DLC1: variants seen among roughly 807,000 people sequenced by gnomAD.
DLC1 encodes rho GTPase-activating protein 7.
In DLC1, 54 loss-of-function variants were observed where a neutral mutation model predicts 140.3. That is an observed-to-expected ratio of 0.38 (90% CI 0.31 to 0.48). The LOEUF is 0.48. DLC1 is among the 20% of genes least tolerant of loss of function. The pLI, the probability that DLC1 is intolerant of heterozygous loss-of-function variation, is 0.96. For missense variants in DLC1, 2,536 were observed against 1,907.0 expected (o/e 1.33, Z -6.14); for synonymous variants, 986 against 728.1 (o/e 1.35, Z -5.70).
chr8:13,254,190 A>T lies in DLC1; in HGVS notation c.1348+51079T>A, dbSNP rs565804607. 9.9e-5 allele frequency among the ~76,000 whole-genome samples: 15 copies of T among 152,162 alleles called. No homozygotes were observed. The South Asian group carries it at 3.1e-3, about 32-fold the overall frequency. On this transcript the variant is annotated intron_variant, in intron 5 of 17. Transcript: ENST00000276297. Reference sequence around the variant, plus strand: ...CGACCCCCTAAATAAAATTAAAAAAAAAAAGAATAAAGAAAAGAACAAAAA... The same window carrying T: ...CGACCCCCTAAATAAAATTAAAAAATAAAAGAATAAAGAAAAGAACAAAAA...
intron 2 of DLC1, among the ~76,000 whole-genome samples, chr8:13,412,569 T>C (rs1432085172): frequency 6.6e-6 from 1 of 152,136 alleles, no homozygotes; most frequent in Admixed American, 6.5e-5. Context: ...AATGCAGTAG[T>C]TGCATACGAT....
chr8:13,310,884 T>A (rs899509084), intron 4 of DLC1, among the ~76,000 whole-genome samples: 3 of 152,232 alleles, frequency 2.0e-5, no homozygotes, highest in African/African-American at 7.2e-5. Context: ...TGTTTCCCAA[T>A]CTTCAGTTCT....
At chr8:13,586,371 G>A (rs533334000) in intron 1 of DLC1, among the ~76,000 whole-genome samples, 3 of 152,194 alleles carry the variant, frequency 2.0e-5, no homozygotes, top group East Asian at 1.9e-4. Flanking sequence ...CTTGATGACC[G>A]ATTGAACAGT....
At chr8:13,568,602 G>T (rs116996743) in intron 1 of DLC1, among the ~76,000 whole-genome samples, 1 of 152,062 alleles carries the variant, frequency 6.6e-6, no homozygotes, top group Non-Finnish European at 1.5e-5. Flanking sequence ...AAGAAGAGAA[G>T]CAGGGTTGAT....
At chr8:13,544,072 G>T (rs919975601) in intron 1 of DLC1, among the ~76,000 whole-genome samples, 1 of 151,614 alleles carries the variant, frequency 6.6e-6, no homozygotes, top group African/African-American at 2.4e-5. Context: ...AAAAATAATG[G>T]TTTTATTATT....
intron 4 of DLC1, among the ~76,000 whole-genome samples, chr8:13,373,924 G>A (rs964453037): frequency 1.3e-5 from 2 of 152,024 alleles, no homozygotes; most frequent in African/African-American, 4.8e-5. Flanking sequence ...TTAAAATCCG[G>A]TATTATTTCA....
intron 2 of DLC1, among the ~76,000 whole-genome samples, chr8:13,474,002 A>C (rs1026686434): frequency 3.3e-5 from 5 of 152,232 alleles, no homozygotes; most frequent in African/African-American, 7.2e-5. Flanking sequence ...AGAAATTTGC[A>C]TAAGTAACGA....
chr8:13,149,007 C>A (rs1962907), intron 5 of DLC1, among the ~76,000 whole-genome samples: 1 of 151,826 alleles, frequency 6.6e-6, no homozygotes, highest in Non-Finnish European at 1.5e-5. Flanking sequence ...TTAGCCAGGA[C>A]GGTCTCGATC....
At chr8:13,551,556 G>T (rs1803852342) in intron 1 of DLC1, among the ~76,000 whole-genome samples, 1 of 151,854 alleles carries the variant, frequency 6.6e-6, no homozygotes, top group African/African-American at 2.4e-5. Context: ...TGTTACTAAG[G>T]TGCATTGCTC....
At chr8:13,089,062 C>G (rs577826503) in intron 15 of DLC1, among the ~76,000 whole-genome samples, 1 of 152,018 alleles carries the variant, frequency 6.6e-6, no homozygotes, top group East Asian at 2.0e-4. Context: ...AGTTCAAGAC[C>G]AGCCTGGCCA....
chr8:13,352,591 G>A (rs1834728183), intron 4 of DLC1, among the ~76,000 whole-genome samples: 1 of 152,060 alleles, frequency 6.6e-6, no homozygotes. Context: ...ATGTTGCCCA[G>A]GCTGGCCTCA....
chr8:13,257,806 C>G, intron 5 of DLC1, among the ~76,000 whole-genome samples: 1 of 151,524 alleles, frequency 6.6e-6, no homozygotes, highest in South Asian at 2.1e-4. Context: ...ACCAGCTGTC[C>G]TTGCTGGAGT....
chr8:13,142,484 C>A (rs1034671183), intron 5 of DLC1, among the ~76,000 whole-genome samples: 1 of 152,100 alleles, frequency 6.6e-6, no homozygotes, highest in African/African-American at 2.4e-5. Flanking sequence ...ACCGAGTTCT[C>A]CAGATATCTG....
chr8:13,126,894 C>T (rs527363379), intron 5 of DLC1, among the ~76,000 whole-genome samples: 6 of 152,250 alleles, frequency 3.9e-5, no homozygotes, highest in African/African-American at 1.4e-4. Flanking sequence ...GCAGGAACGT[C>T]TATTAAAAAA....
intron 16 of DLC1, among the ~76,000 whole-genome samples, chr8:13,087,569 GA>G (rs1817667327): frequency 6.6e-6 from 1 of 152,352 alleles, no homozygotes; most frequent in Admixed American, 6.5e-5. Context: ...AAGGACTGCT[GA>G]ATGAGGAACT....
At chr8:13,489,338 G>A (rs1463873421) in intron 2 of DLC1, among the ~76,000 whole-genome samples, 4 of 100,516 alleles carry the variant, frequency 4.0e-5, no homozygotes, top group African/African-American at 1.2e-4. Flanking sequence ...GTCAGTCCCC[G>A]CCCCCGGCCC....
At chr8:13,185,910 T>A (rs1563146830) in intron 5 of DLC1, among the ~76,000 whole-genome samples, 1 of 152,198 alleles carries the variant, frequency 6.6e-6, no homozygotes, top group Non-Finnish European at 1.5e-5. Context: ...TGTATGAAGC[T>A]TAGTTTGGCT....
At chr8:13,214,632 G>C (rs748790870) in intron 5 of DLC1, 5 of 778,842 alleles carry the variant, frequency 6.4e-6, no homozygotes, top group Non-Finnish European at 9.6e-6. Flanking sequence ...CGGCCTAGGT[G>C]ATGTTTTCTT....
At chr8:13,144,227 A>G (rs1315814740) in intron 5 of DLC1, among the ~76,000 whole-genome samples, 2 of 152,182 alleles carry the variant, frequency 1.3e-5, no homozygotes, top group East Asian at 3.9e-4. Context: ...GGGTTGGGTC[A>G]CCATCTTGTC....
Sources: allele counts gnomAD v4.1 joint callset (sites outside exome capture counted in the v4.1 genomes callset), GRCh38; gene constraint gnomAD v4.1.1; transcripts MANE v1.5; gene names NCBI Gene and HGNC (gene_info 2026-07-23, HGNC 2026-07-21).